Variants in TMPRSS11F observed in about 807,000 individuals in gnomAD.
TMPRSS11F encodes transmembrane serine protease 11F.
In TMPRSS11F, 47 loss-of-function variants were observed where a neutral mutation model predicts 60.2. The ratio of observed to expected loss-of-function variants is 0.78; its 90% confidence interval spans 0.62 to 1.00. The LOEUF (loss-of-function observed/expected upper bound fraction) is 1.00. Ranked by LOEUF, TMPRSS11F falls within the 50% of genes least tolerant of loss-of-function variation. The pLI is 0.00. For synonymous variants in TMPRSS11F, 166 were observed against 167.3 expected (o/e 0.99, Z 0.06); for missense variants, 519 against 522.9 (o/e 0.99, Z 0.07).
chr4:68,065,404 G>GT (rs1180535841), intron 7 of TMPRSS11F, among the ~76,000 whole-genome samples: 1 of 152,254 alleles, frequency 6.6e-6, no homozygotes, highest in African/African-American at 2.4e-5. Flanking sequence ...TATACACATG[G>GT]TTTTTTCTCT....
intron 3 of TMPRSS11F, among the ~76,000 whole-genome samples, chr4:68,081,975 C>T (rs2109855719): frequency 6.6e-6 from 1 of 152,182 alleles, no homozygotes; most frequent in South Asian, 2.1e-4. Flanking sequence ...AGACGGCTGC[C>T]CAGATACAGC....
intron 3 of TMPRSS11F, among the ~76,000 whole-genome samples, chr4:68,084,827 G>A (rs1451490476): frequency 1.4e-5 from 2 of 145,332 alleles, no homozygotes; most frequent in Non-Finnish European, 3.0e-5. Flanking sequence ...CTGGTGCGCT[G>A]CACCCACTAA....
intron 1 of TMPRSS11F, among the ~76,000 whole-genome samples, chr4:68,105,491 A>G (rs1381326784): frequency 6.6e-6 from 1 of 152,162 alleles, no homozygotes; most frequent in Admixed American, 6.5e-5. Context: ...CTGTACTTCG[A>G]TCTCCTCATC....
At chr4:68,094,509 C>A (rs986235759) in intron 2 of TMPRSS11F, among the ~76,000 whole-genome samples, 3 of 147,544 alleles carry the variant, frequency 2.0e-5, no homozygotes, top group Non-Finnish European at 3.0e-5. Context: ...TGTAACTAAC[C>A]TGCACATTGT....
chr4:68,074,871 T>C (rs1160049136), intron 3 of TMPRSS11F, among the ~76,000 whole-genome samples: 1 of 152,174 alleles, frequency 6.6e-6, no homozygotes, highest in Non-Finnish European at 1.5e-5. Flanking sequence ...CCAAGGTGGA[T>C]AGATTGCTTT....
chr4:68,087,335 T>C (rs2109861041), intron 3 of TMPRSS11F, among the ~76,000 whole-genome samples: 1 of 152,122 alleles, frequency 6.6e-6, no homozygotes, highest in South Asian at 2.1e-4. Context: ...AAACCCTCAA[T>C]AAACTAGGCA....
chr4:68,073,304 A>G (rs1306682582), intron 4 of TMPRSS11F, among the ~76,000 whole-genome samples: 1 of 152,214 alleles, frequency 6.6e-6, no homozygotes, highest in Non-Finnish European at 1.5e-5. Flanking sequence ...ATCATTTGAT[A>G]AACAGTTCAA....
intron 3 of TMPRSS11F, among the ~76,000 whole-genome samples, chr4:68,078,715 G>T (rs1723636059): frequency 6.6e-6 from 1 of 152,192 alleles, no homozygotes; most frequent in South Asian, 2.1e-4. Context: ...GTGGTTATCT[G>T]CAGAAAGGTG....
chr4:68,126,741 T>C (rs1303974179), intron 1 of TMPRSS11F, among the ~76,000 whole-genome samples: 1 of 152,128 alleles, frequency 6.6e-6, no homozygotes, highest in Non-Finnish European at 1.5e-5. Context: ...GAAAACAAAT[T>C]AGCATACAAA....
chr4:68,079,520 G>C (rs1024608367), intron 3 of TMPRSS11F, among the ~76,000 whole-genome samples: 2 of 152,148 alleles, frequency 1.3e-5, no homozygotes, highest in African/African-American at 4.8e-5. Flanking sequence ...AAGTTTAACA[G>C]GGGTAGGGGA....
At chr4:68,097,566 C>T (rs948967344) in intron 2 of TMPRSS11F, among the ~76,000 whole-genome samples, 4 of 146,848 alleles carry the variant, frequency 2.7e-5, no homozygotes, top group African/African-American at 9.7e-5. Context: ...CTTTTTGCTA[C>T]ATAAGGTAAC....
rs187851432 is a variant in TMPRSS11F at position 68,071,205 on chromosome 4, T to C, written c.514+1118A>G. Among the ~76,000 whole-genome samples the C allele has an allele frequency of 4.6e-5, 7 of 152,266 alleles. No homozygotes were observed. In the East Asian group the frequency reaches 1.3e-3, roughly 29 times the overall value. On this transcript the variant is annotated intron_variant, in intron 5 of 9. Transcript: ENST00000356291. ...AAATACTTTGTTTTACTTTGGAATA[T>C]AATTGATTAACAATCAAGGTGGATA... is the stretch of plus-strand genomic sequence containing the variant.
rs915362261 is a variant in TMPRSS11F at position 68,108,448 on chromosome 4, A to T, written c.12-9410T>A. Among the ~76,000 whole-genome samples the T allele has an allele frequency of 2.7e-4, 41 of 152,180 alleles. 1 individual carries two copies. Among genetic ancestry groups the T allele is most frequent in the Admixed American group, 2.4e-3 (37 of 15,272 alleles). On this transcript the variant is annotated intron_variant, in intron 1 of 9. Transcript: ENST00000356291. ...ATCTGCCCACTGGAAGGGACCCCTG[A>T]GACACATTTGCAAGAATTAACTGCT...
At chr4:68,054,135 C>T (rs772322442) in intron 9 of TMPRSS11F, 68 bp from the exon 10 acceptor site, 16 of 1,453,068 alleles carry the variant, frequency 1.1e-5, no homozygotes, top group African/African-American at 8.5e-5. Context: ...TGTAATCTGA[C>T]GTTCACAGAG....
At chr4:68,085,688 T>C (rs1164117425) in intron 3 of TMPRSS11F, among the ~76,000 whole-genome samples, 2 of 152,150 alleles carry the variant, frequency 1.3e-5, no homozygotes, top group Non-Finnish European at 2.9e-5. Context: ...ATCTCACATG[T>C]AATGACACCC....
intron 3 of TMPRSS11F, among the ~76,000 whole-genome samples, chr4:68,084,079 C>T (rs1196760068): frequency 6.6e-6 from 1 of 151,844 alleles, no homozygotes; most frequent in Non-Finnish European, 1.5e-5. Context: ...TCTCAGAGCT[C>T]GAAGACCAGT....
intron 1 of TMPRSS11F, among the ~76,000 whole-genome samples, chr4:68,105,717 A>G (rs1724291519): frequency 6.6e-6 from 1 of 152,192 alleles, no homozygotes; most frequent in African/African-American, 2.4e-5. Context: ...TCTCCAGAGT[A>G]ATCTGTATAA....
chr4:68,104,447 TAGTG>T (rs1233270613), intron 1 of TMPRSS11F, among the ~76,000 whole-genome samples: 13 of 152,250 alleles, frequency 8.5e-5, no homozygotes, highest in Non-Finnish European at 1.3e-4. Flanking sequence ...GTTCTCATGA[TAGTG>T]AGTGAGTTCT....
chr4:68,082,163 G>A (rs535355039), intron 3 of TMPRSS11F, among the ~76,000 whole-genome samples: 3 of 152,264 alleles, frequency 2.0e-5, no homozygotes, highest in African/African-American at 7.2e-5. Flanking sequence ...ACTAGCTCCC[G>A]GCCCTGAATA....
Sources: allele counts gnomAD v4.1 joint callset (sites outside exome capture counted in the v4.1 genomes callset), GRCh38; gene constraint gnomAD v4.1.1; transcripts MANE v1.5; gene names NCBI Gene and HGNC (gene_info 2026-07-23, HGNC 2026-07-21).